WWC2: variants seen among roughly 807,000 people sequenced by gnomAD.
WWC2 encodes the protein WW and C2 domain containing 2.
A neutral mutation model predicts 138.5 loss-of-function variants in WWC2; 101 were observed. The ratio of observed to expected loss-of-function variants is 0.73; its 90% CI spans 0.62 to 0.86. The LOEUF is 0.86. WWC2 is among the 40% of genes least tolerant of loss of function. The pLI is 0.00. For missense variants in WWC2, 1,420 were observed against 1,419.4 expected, an observed-to-expected ratio of 1.00 and a Z score of -0.01; for synonymous variants, 558 against 538.4, an observed-to-expected ratio of 1.04 and a Z score of -0.50.
At chr4:183,259,978 C>T (rs966814617) in intron 10 of WWC2, among the ~76,000 whole-genome samples, 8 of 152,142 alleles carry the variant, frequency 5.3e-5, no homozygotes, top group East Asian at 1.9e-4. Flanking sequence ...AGGATAATAA[C>T]GCATTTTTCC....
chr4:183,196,682 T>C (rs1265918512), intron 2 of WWC2, among the ~76,000 whole-genome samples: 1 of 152,212 alleles, frequency 6.6e-6, no homozygotes, highest in East Asian at 1.9e-4. Context: ...GAGGACCCTG[T>C]GCCTCCTCAG....
intron 1 of WWC2, among the ~76,000 whole-genome samples, chr4:183,169,681 T>C (rs545484545): frequency 3.6e-4 from 55 of 152,280 alleles, no homozygotes; most frequent in African/African-American, 1.3e-3. Flanking sequence ...TGAATATATT[T>C]ATGCATATAA....
intron 22 of WWC2, among the ~76,000 whole-genome samples, chr4:183,315,351 C>T (rs559406749): frequency 3.9e-5 from 6 of 152,210 alleles, no homozygotes; most frequent in South Asian, 4.1e-4. Flanking sequence ...CTACCTAGTT[C>T]GGAAACACCC....
At chr4:183,175,239 C>G (rs546906712) in intron 1 of WWC2, among the ~76,000 whole-genome samples, 1 of 152,000 alleles carries the variant, frequency 6.6e-6, no homozygotes, top group Non-Finnish European at 1.5e-5. Context: ...TATATAGTTT[C>G]AAAATTTCTT....
intron 4 of WWC2, among the ~76,000 whole-genome samples, chr4:183,221,378 CA>C (rs1735931295): frequency 6.6e-6 from 1 of 152,198 alleles, no homozygotes; most frequent in Non-Finnish European, 1.5e-5. Flanking sequence ...AGATAATCAG[CA>C]ATGCTGTCGA....
In WWC2 at chr4:183,138,515, T is replaced by C. The variant is rs1182171171; in HGVS notation, c.131+38893T>C. ...ACAACATCCATTCTTTTATGTGTTA[T>C]CTATGGCTGCTTTTGTACTTCAGTG... On this transcript the variant is annotated intron_variant, in intron 1 of 22. Coordinates refer to ENST00000403733, the MANE Select transcript of WWC2 (RefSeq NM_024949.6). Among the ~76,000 whole-genome samples, 4 of 152,354 alleles carry C rather than the reference T, an allele frequency of 2.6e-5. No homozygotes were observed. In the East Asian group the frequency reaches 5.8e-4, roughly 22 times the overall value.
intron 4 of WWC2, chr4:183,233,789 T>C (rs1379266611): frequency 6.6e-6 from 1 of 152,166 alleles, no homozygotes; most frequent in Non-Finnish European, 1.5e-5. Context: ...ACTTCTTGTT[T>C]TCTTTAAAGG....
intron 4 of WWC2, among the ~76,000 whole-genome samples, chr4:183,226,397 CAA>C (rs1736074758): frequency 2.0e-5 from 3 of 150,582 alleles, no homozygotes; most frequent in Admixed American, 1.3e-4. Flanking sequence ...CATGGGTTAA[CAA>C]AATTAAATAG....
chr4:183,302,351 G>A (rs940220651), intron 21 of WWC2, among the ~76,000 whole-genome samples: 1 of 152,132 alleles, frequency 6.6e-6, no homozygotes, highest in Non-Finnish European at 1.5e-5. Flanking sequence ...CTTTTTGCCA[G>A]CACCAGTCTT....
intron 1 of WWC2, among the ~76,000 whole-genome samples, chr4:183,187,367 A>G (rs1172986297): frequency 1.3e-5 from 2 of 151,400 alleles, no homozygotes; most frequent in Non-Finnish European, 2.9e-5. Flanking sequence ...CCGCCTGGCC[A>G]ACATGGTGAA....
At chr4:183,103,988 C>T (rs1743272229) in intron 1 of WWC2, among the ~76,000 whole-genome samples, 1 of 151,524 alleles carries the variant, frequency 6.6e-6, no homozygotes, top group Non-Finnish European at 1.5e-5. Flanking sequence ...GAGACAGAGT[C>T]TCACATTGTC....
In WWC2 at chr4:183,193,718, C is replaced by G. The variant is rs746227495; in HGVS notation, c.241+10C>G. ...ATCGATCACATCAACAGTAAGTTTT[C>G]CTTTTTGGTAAAAGCAAACATATCA... On this transcript the variant is annotated intron_variant, in intron 2 of 22. Coordinates refer to ENST00000403733, the MANE Select transcript of WWC2 (RefSeq NM_024949.6). The G allele has an allele frequency of 1.9e-6, 3 of 1,605,862 alleles. No homozygotes were observed. Among genetic ancestry groups the G allele is most frequent in the African/African-American group, 1.3e-5 (1 of 74,762 alleles).
intron 1 of WWC2, among the ~76,000 whole-genome samples, chr4:183,138,922 G>A (rs1484292016): frequency 1.3e-5 from 2 of 152,160 alleles, no homozygotes; most frequent in African/African-American, 2.4e-5. Context: ...GGCTTGGGAT[G>A]TACTACAGGT....
chr4:183,296,673 C>T (rs1428460543), intron 21 of WWC2, among the ~76,000 whole-genome samples: 2 of 152,042 alleles, frequency 1.3e-5, no homozygotes, highest in Non-Finnish European at 2.9e-5. Context: ...GTGGCTCACG[C>T]CTGTAATCCC....
chr4:183,266,386 T>C (rs866367323), intron 14 of WWC2, among the ~76,000 whole-genome samples: 4 of 152,354 alleles, frequency 2.6e-5, no homozygotes, highest in Middle Eastern at 3.4e-3. Flanking sequence ...TGTAAGAGTA[T>C]GTTTTTATCA....
At chr4:183,310,422 A>C (rs1739171600) in intron 21 of WWC2, among the ~76,000 whole-genome samples, 1 of 152,220 alleles carries the variant, frequency 6.6e-6, no homozygotes, top group South Asian at 2.1e-4. Flanking sequence ...AGAAAAAAAC[A>C]ATATATTGTT....
chr4:183,245,367 A>G (rs990281794), intron 5 of WWC2, 49 bp from the exon 6 acceptor site: 18 of 1,434,538 alleles, frequency 1.3e-5, no homozygotes, highest in Non-Finnish European at 1.6e-5. Flanking sequence ...TGTTTAACTT[A>G]TATGCTATCA....
intron 4 of WWC2, among the ~76,000 whole-genome samples, chr4:183,222,129 C>T (rs1735951104): frequency 6.6e-6 from 1 of 151,954 alleles, no homozygotes; most frequent in Non-Finnish European, 1.5e-5. Context: ...TTGCTAGGGG[C>T]CAGGTAGAGA....
chr4:183,124,448 T>A (rs1732694392), intron 1 of WWC2, among the ~76,000 whole-genome samples: 1 of 151,968 alleles, frequency 6.6e-6, no homozygotes, highest in African/African-American at 2.4e-5. Context: ...GCTCTTGGAC[T>A]TATTGATACA....
Sources: gnomAD v4.1 joint callset for allele counts (sites outside exome capture counted in the v4.1 genomes callset) on GRCh38, gnomAD v4.1.1 for gene constraint, MANE v1.5 for transcripts, NCBI Gene and HGNC (gene_info 2026-07-23, HGNC 2026-07-21) for gene names.